The following KIF26B variants were observed in gnomAD, a reference collection of about 807,000 sequenced individuals.
The protein encoded by KIF26B is kinesin family member 26B.
KIF26B carries 63 observed loss-of-function variants against 151.2 expected under a neutral mutation model. That is an observed-to-expected ratio of 0.42 (90% CI 0.34 to 0.51). The LOEUF is 0.51. Among genes scored for constraint, KIF26B ranks in the 20% least tolerant of loss-of-function variants. KIF26B has a pLI of 0.07. For missense variants in KIF26B, 2,813 were observed against 2,913.6 expected, an observed-to-expected ratio of 0.97 and a Z score of 0.79; for synonymous variants, 1,357 against 1,262.1, an observed-to-expected ratio of 1.08 and a Z score of -1.59.
intron 3 of KIF26B, among the ~76,000 whole-genome samples, chr1:245,418,337 A>G (rs1103944): frequency 0.64 from 97,021 of 152,134 alleles, 31,571 homozygotes; most frequent in Middle Eastern, 0.7. Context: ...ATAATGCGTT[A>G]AATGAATGAG....
chr1:245,554,527 G>A (rs1414318839), intron 5 of KIF26B, among the ~76,000 whole-genome samples: 1 of 152,060 alleles, frequency 6.6e-6, no homozygotes, highest in Non-Finnish European at 1.5e-5. Flanking sequence ...GATTCCAGAA[G>A]TTGCTATCAG....
intron 2 of KIF26B, among the ~76,000 whole-genome samples, chr1:245,310,156 A>G (rs1413452325): frequency 6.7e-6 from 1 of 149,004 alleles, no homozygotes; most frequent in Non-Finnish European, 1.5e-5. Context: ...TCAATCAATA[A>G]ATATCTCTCT....
chr1:245,351,274 T>A (rs139224480), intron 2 of KIF26B, among the ~76,000 whole-genome samples: 1 of 152,320 alleles, frequency 6.6e-6, no homozygotes, highest in East Asian at 1.9e-4. Flanking sequence ...GTCCTGTTTT[T>A]CTGTCATCGC....
At position 245,702,414 on chromosome 1, in the gene KIF26B, C is replaced by T. The variant is rs2044784103; in HGVS notation, c.6179-44C>T. On this transcript the variant is annotated intron_variant, in intron 14 of 14. Coordinates refer to ENST00000407071, the MANE Select transcript of KIF26B (RefSeq NM_018012.4). The surrounding 1 kb of genome is among the most constrained non-coding windows in gnomAD (Gnocchi z 4.1). Reference sequence around the variant, plus strand: ...CTGAGCCGTCGGGAGTTGCTTCTCACCCTGTTTGCTCTGCGTCTCCATCAG... The same window carrying T: ...CTGAGCCGTCGGGAGTTGCTTCTCATCCTGTTTGCTCTGCGTCTCCATCAG... 4.3e-6 allele frequency: 7 copies of T among 1,609,572 alleles called. No homozygotes were observed. The highest frequency in any genetic ancestry group is 5.9e-6 in the Non-Finnish European group (7 of 1,176,784).
At chr1:245,459,398 G>A (rs72762816) in intron 4 of KIF26B, among the ~76,000 whole-genome samples, 4,282 of 152,130 alleles carry the variant, frequency 0.028, 217 homozygotes, top group African/African-American at 0.097. Flanking sequence ...ATCCCCACCC[G>A]ATTTTGTTTT....
At chr1:245,467,921 C>T (rs907314808) in intron 4 of KIF26B, among the ~76,000 whole-genome samples, 1 of 151,816 alleles carries the variant, frequency 6.6e-6, no homozygotes, top group Admixed American at 6.6e-5. Context: ...TTGGCAGTGG[C>T]CTTCACACAC....
At chr1:245,308,251 G>T (rs9428352) in intron 2 of KIF26B, among the ~76,000 whole-genome samples, 52 of 152,256 alleles carry the variant, frequency 3.4e-4, no homozygotes, top group African/African-American at 1.2e-3. Context: ...TGAGAAGGCT[G>T]TGTGGCCTTG....
chr1:245,261,077 T>C (rs1221531573), intron 2 of KIF26B, among the ~76,000 whole-genome samples: 1 of 149,512 alleles, frequency 6.7e-6, no homozygotes, highest in African/African-American at 2.5e-5. Context: ...CTTCCTTCCC[T>C]CCCTCTCTCC....
At chr1:245,315,267 T>C (rs943447346) in intron 2 of KIF26B, among the ~76,000 whole-genome samples, 8 of 152,256 alleles carry the variant, frequency 5.3e-5, no homozygotes, top group African/African-American at 1.7e-4. Flanking sequence ...TCAGTCTGAG[T>C]TGATGAAAAC....
chr1:245,172,326 C>A (rs933397939), intron 2 of KIF26B, among the ~76,000 whole-genome samples: 1 of 152,150 alleles, frequency 6.6e-6, no homozygotes, highest in African/African-American at 2.4e-5. Context: ...TTCTTACAGG[C>A]CCCGCCTAAG....
chr1:245,521,226 ACTCCGAAGG>A (rs1661097148), intron 4 of KIF26B, among the ~76,000 whole-genome samples: 2 of 151,732 alleles, frequency 1.3e-5, no homozygotes, highest in Non-Finnish European at 2.9e-5. Flanking sequence ...AGTCCCAGCT[ACTCCGAAGG>A]CTGAGGCAGG....
intron 5 of KIF26B, among the ~76,000 whole-genome samples, chr1:245,553,219 A>G (rs1359595482): frequency 6.6e-6 from 1 of 152,206 alleles, no homozygotes; most frequent in African/African-American, 2.4e-5. Context: ...GACCGGATCT[A>G]AGGAATCTGC....
At chr1:245,248,269 G>T (rs1186184582) in intron 2 of KIF26B, among the ~76,000 whole-genome samples, 1 of 152,146 alleles carries the variant, frequency 6.6e-6, no homozygotes, top group Non-Finnish European at 1.5e-5. Context: ...AGGACTTTTT[G>T]CAGGGAGCTG....
chr1:245,303,355 C>T lies in KIF26B; in HGVS notation c.466-63479C>T, dbSNP rs558741668. Among the ~76,000 whole-genome samples, 853 of 151,344 alleles carry T rather than the reference C, an allele frequency of 5.6e-3. 6 individuals are homozygous for T. Among genetic ancestry groups the T allele is most frequent in the Admixed American group, 8.6e-3 (131 of 15,236 alleles). ...CTGGGACTACAGGTGCCCGCCACCA[C>T]GCCCGGCTAATTTTTTGTATTTTTA... On this transcript the variant is annotated intron_variant, in intron 2 of 14. Coordinates refer to ENST00000407071, the MANE Select transcript of KIF26B (RefSeq NM_018012.4).
intron 4 of KIF26B, chr1:245,510,852 T>A: frequency 3.7e-6 from 2 of 535,964 alleles, no homozygotes. Flanking sequence ...GGAAGGTGGC[T>A]GGGAGCTCAG....
At chr1:245,584,830 T>A (rs2043207975) in intron 5 of KIF26B, among the ~76,000 whole-genome samples, 1 of 152,150 alleles carries the variant, frequency 6.6e-6, no homozygotes, top group African/African-American at 2.4e-5. Context: ...AGGTAAACAT[T>A]TATTTTATTT....
At chr1:245,161,304 A>G (rs1199455802) in intron 2 of KIF26B, among the ~76,000 whole-genome samples, 1 of 152,242 alleles carries the variant, frequency 6.6e-6, no homozygotes, top group Non-Finnish European at 1.5e-5. Flanking sequence ...ATTCTACCAG[A>G]CTATTAATTG....
intron 2 of KIF26B, among the ~76,000 whole-genome samples, chr1:245,308,696 C>A (rs75231460): frequency 0.052 from 7,860 of 152,182 alleles, 272 homozygotes; most frequent in Middle Eastern, 0.092. Context: ...TGTGATTGCA[C>A]CACTTCACCC....
chr1:245,595,145 A>T (rs887359628), intron 5 of KIF26B, among the ~76,000 whole-genome samples: 1 of 152,132 alleles, frequency 6.6e-6, no homozygotes, highest in South Asian at 2.1e-4. Flanking sequence ...CTATTTGGAT[A>T]CCCTTTATTT....
Sources: gnomAD v4.1 joint callset for allele counts (sites outside exome capture counted in the v4.1 genomes callset) on GRCh38, gnomAD v4.1.1 for gene constraint, Gnocchi (gnomAD v3.1) non-coding constraint, MANE v1.5 for transcripts, NCBI Gene and HGNC (gene_info 2026-07-23, HGNC 2026-07-21) for gene names.